DHRS2: variants seen among roughly 807,000 people sequenced by gnomAD.
The protein encoded by DHRS2 is dehydrogenase/reductase SDR family member 2, mitochondrial.
In DHRS2, 29 loss-of-function variants were observed where a neutral mutation model predicts 26.3. The ratio of observed to expected loss-of-function variants is 1.10; its 90% CI spans 0.82 to 1.50. The LOEUF (loss-of-function observed/expected upper bound fraction) is 1.50. Among genes scored for constraint, DHRS2 ranks in the 40% most tolerant of loss-of-function variants. The pLI is 0.00. For missense variants in DHRS2, 439 were observed against 367.1 expected (o/e 1.20, Z -1.60); for synonymous variants, 164 against 151.3 (o/e 1.08, Z -0.62).
chr14:23,634,059 CTTTTTTTTTTTT>C (rs58045171), upstream of DHRS2, among the ~76,000 whole-genome samples: 1 of 82,450 alleles, frequency 1.2e-5, no homozygotes, highest in African/African-American at 4.8e-5. Flanking sequence ...TTTGCCCCTT[CTTTTTTTTTTTT>C]TTTTTTTTTT....
rs146362859 is a variant in DHRS2 at position 23,642,799 on chromosome 14, C to T, written c.421-353C>T. On this transcript the variant is annotated intron_variant, in intron 4 of 8. Transcript: ENST00000250383. ...CTCAGGCTGGTCTTGAACTTTTGGC[C>T]TTGAGTAATCCTCCCACCTTGGCCT... 3.8e-5 allele frequency: 8 copies of T among 209,342 alleles called. No homozygotes were observed. In the East Asian group the frequency reaches 9.2e-4, roughly 24 times the overall value. 13.0% of individuals were successfully genotyped at this position (209,342 alleles called of 1,614,324 possible).
chr14:23,644,637 C>T, intron 7 of DHRS2, 94 bp downstream of exon 7: 4 of 1,581,256 alleles, frequency 2.5e-6, no homozygotes, highest in Non-Finnish European at 3.5e-6. Flanking sequence ...ATCCTTAGGT[C>T]AGCATGCCTA....
At chr14:23,640,264 C>T (rs1890586816) in intron 4 of DHRS2, 1 of 990,750 alleles carries the variant, frequency 1.0e-6, no homozygotes, top group Non-Finnish European at 1.2e-6. Flanking sequence ...GTATGGTACA[C>T]CCTTTTGTAG....
rs772973337 is a variant in DHRS2, at chr14:23,645,623, C to G, written c.*370C>G. On this transcript the variant is annotated 3_prime_UTR_variant, in exon 9 of 9. Transcript: ENST00000250383. ...TAAGCATTTTTTTTCCTAAAATAAA[C>G]TCAAATTTATCCTCAAGTCTGGAAG... 7.1e-6 allele frequency: 2 copies of G among 283,136 alleles called. No individual in the cohort carries two copies. Among genetic ancestry groups the G allele is most frequent in the Non-Finnish European group, 1.3e-5 (2 of 149,264 alleles). The allele number at this position is 283,136 out of a possible 1,614,324, so 17.5% of individuals were successfully genotyped here.
chr14:23,633,796 C>G (rs1890184996), upstream of DHRS2, among the ~76,000 whole-genome samples: 1 of 152,106 alleles, frequency 6.6e-6, no homozygotes, highest in Admixed American at 6.5e-5. Flanking sequence ...GAGAAAGTAT[C>G]TGAGATGCTG....
chr14:23,644,651 C>A, intron 7 of DHRS2, 108 bp downstream of exon 7: 1 of 1,547,110 alleles, frequency 6.5e-7, no homozygotes, highest in Non-Finnish European at 8.9e-7. Flanking sequence ...ATGCCTATGA[C>A]TGAGGTCCTC....
Position 23,639,219 on chromosome 14 carries a change from G to C in DHRS2, c.181G>C (p.Ala61Pro), listed in dbSNP as rs1243874736. The change falls in exon 3 of 9, where the codon GCC (alanine) becomes CCC (proline). Residue 61 changes from alanine to proline, a missense_variant. Coordinates refer to ENST00000250383, the MANE Select transcript of DHRS2 (RefSeq NM_005794.4). ...CGCCCGACGTCTGGCCCGGGACGGG[G>C]CCCACGTGGTCATCAGCAGCCGGAA... Reference protein sequence around the residue: ...AIARRLARDGAHVVISSRKQQ... With the variant: ...AIARRLARDGPHVVISSRKQQ... The C allele has an allele frequency of 6.2e-7, 1 of 1,613,904 alleles. No individual in the cohort carries two copies. Among genetic ancestry groups the C allele is most frequent in the South Asian group, 1.1e-5 (1 of 91,044 alleles).
In DHRS2 at chr14:23,639,208, C is replaced by T. The variant is rs1409130045; in HGVS notation, c.170C>T (p.Ala57Val). 5 of 1,613,738 alleles carry T rather than the reference C, an allele frequency of 3.1e-6. No homozygotes were observed. The Admixed American group carries it at 8.3e-5, about 27-fold the overall frequency. Residue 57 changes from alanine (A) to valine (V), a missense_variant, in exon 3 of 9, where the codon GCC becomes GTC. Ala to Val is a moderately conservative substitution (Grantham distance 64). Transcript: ENST00000250383. ...GGCTTTGCCATCGCCCGACGTCTGG[C>T]CCGGGACGGGGCCCACGTGGTCATC... ...GIGFAIARRLARDGAHVVISS... is the reference protein window; with the variant it reads ...GIGFAIARRLVRDGAHVVISS...
chr14:23,642,982 T>G, intron 4 of DHRS2, 170 bp from the exon 5 acceptor site: 3 of 657,056 alleles, frequency 4.6e-6, no homozygotes, highest in Non-Finnish European at 8.1e-6. Context: ...TATGAAACCA[T>G]TAGCAAATTG....
In DHRS2 at chr14:23,638,912, T is replaced by C. The variant is rs774898009; in HGVS notation, c.48T>C (p.Cys16=). Reference sequence around the variant, plus strand: ...GCTACCAGGGCTGGTTTCATCCCTGTGCTAGGCTTTCTGTGAGGATGAGCA... The same window carrying C: ...GCTACCAGGGCTGGTTTCATCCCTGCGCTAGGCTTTCTGTGAGGATGAGCA... ...ARGYQGWFHP[C]ARLSVRMSST... Residue 16 remains cysteine, a synonymous_variant, in exon 2 of 9, where the codon TGT becomes TGC. Coordinates refer to ENST00000250383, the MANE Select transcript of DHRS2 (RefSeq NM_005794.4). 3 of 1,614,068 alleles carry C rather than the reference T, an allele frequency of 1.9e-6. No individual in the cohort carries two copies. Among genetic ancestry groups the C allele is most frequent in the Non-Finnish European group, 2.5e-6 (3 of 1,180,032 alleles).
At position 23,638,922 on chromosome 14, in the gene DHRS2, T is replaced by C; in HGVS notation, c.58T>C (p.Ser20Pro). 4 of 1,614,212 alleles carry C rather than the reference T, an allele frequency of 2.5e-6. No homozygotes were observed. The highest frequency in any genetic ancestry group is 1.3e-5 in the African/African-American group (1 of 75,068). The change falls in exon 2 of 9, where the codon TCT becomes CCT. Residue 20 changes from serine (S) to proline (P), a missense_variant. Transcript: ENST00000250383. ...QGWFHPCARLSVRMSSTGIDR... is the reference protein window; with the variant it reads ...QGWFHPCARLPVRMSSTGIDR... ...CTGGTTTCATCCCTGTGCTAGGCTT[T>C]CTGTGAGGATGAGCAGCACCGGGAT...
chr14:23,636,011 C>A (rs1042670260), upstream of DHRS2, among the ~76,000 whole-genome samples: 6 of 151,620 alleles, frequency 4.0e-5, no homozygotes, highest in African/African-American at 1.5e-4. Context: ...ACCTGGAGAA[C>A]TTTTCTGTCT....
chr14:23,641,528 C>G, intron 4 of DHRS2: 2 of 1,145,274 alleles, frequency 1.7e-6, no homozygotes, highest in Admixed American at 3.0e-5. Flanking sequence ...GTTCCTGAGT[C>G]CAGGAGGGGT....
upstream of DHRS2, among the ~76,000 whole-genome samples, chr14:23,631,666 AT>A (rs1232661093): frequency 6.6e-6 from 1 of 151,892 alleles, no homozygotes; most frequent in Non-Finnish European, 1.5e-5. Context: ...CCACCCCCAA[AT>A]TTGGGCATCT....
intron 5 of DHRS2, 128 bp from the exon 6 acceptor site, chr14:23,643,983 T>G: frequency 2.1e-6 from 2 of 946,904 alleles, no homozygotes; most frequent in East Asian, 2.4e-5. Context: ...TTCTGAACTC[T>G]GAGATGGGGA....
At chr14:23,637,499 CT>C (rs1171765744) in intron 1 of DHRS2, among the ~76,000 whole-genome samples, 7 of 152,206 alleles carry the variant, frequency 4.6e-5, no homozygotes, top group Non-Finnish European at 8.8e-5. Context: ...AAAGGTGTCA[CT>C]TTTCCAACCC....
chr14:23,632,186 A>G (rs530942452), upstream of DHRS2, among the ~76,000 whole-genome samples: 1 of 152,160 alleles, frequency 6.6e-6, no homozygotes, highest in Admixed American at 6.5e-5. Flanking sequence ...AGCCAAGGAG[A>G]CTGGATTCCT....
At position 23,636,647 on chromosome 14, in the gene DHRS2, AC is replaced by A. The variant is rs1354621471; in HGVS notation, c.-163del. 2 of 152,218 alleles carry A rather than the reference AC, an allele frequency of 1.3e-5. No individual in the cohort carries two copies. Among genetic ancestry groups the A allele is most frequent in the Non-Finnish European group, 2.9e-5 (2 of 68,092 alleles). 9.4% of individuals were successfully genotyped at this position (152,218 alleles called of 1,614,324 possible). ...GGCCAAGAACCCATCAATTCCGTACACATTTTGGTGACTTTGAAGAGACTGT... is the reference window on the plus strand; with the variant it reads ...GGCCAAGAACCCATCAATTCCGTACAATTTTGGTGACTTTGAAGAGACTGT... On this transcript the variant is annotated 5_prime_UTR_variant, in exon 1 of 9. Transcript: ENST00000250383.
chr14:23,643,230 G>A lies in DHRS2; in HGVS notation c.488+11G>A. 2 of 1,613,668 alleles carry A rather than the reference G, an allele frequency of 1.2e-6. No homozygotes were observed. The highest frequency in any genetic ancestry group is 1.7e-6 in the Non-Finnish European group (2 of 1,179,900). On this transcript the variant is annotated intron_variant, in intron 5 of 8. Transcript: ENST00000250383. ...CTACATGGAGAACAGGTATGGCAGG[G>A]CGGGGGTGGGGACCAGTCGGAGTTG...
Sources: allele counts gnomAD v4.1 joint callset (sites outside exome capture counted in the v4.1 genomes callset), GRCh38; gene constraint gnomAD v4.1.1; transcripts MANE v1.5; gene names NCBI Gene and HGNC (gene_info 2026-07-23, HGNC 2026-07-21).